The following NFAT5 variants were observed in gnomAD, a reference collection of about 807,000 sequenced individuals.
NFAT5 encodes the protein nuclear factor of activated T cells 5, also known as nuclear factor of activated T-cells 5.
NFAT5 carries 31 observed loss-of-function variants against 166.5 expected under a neutral mutation model. That is an observed-to-expected ratio of 0.19 (90% CI 0.14 to 0.25). The LOEUF (loss-of-function observed/expected upper bound fraction) is 0.25, where lower values mean the gene tolerates loss of function less well. Among genes scored for constraint, NFAT5 ranks in the 10% least tolerant of loss-of-function variants. The pLI is 1.00. For synonymous variants in NFAT5, 612 were observed against 639.7 expected, an observed-to-expected ratio of 0.96 and a Z score of 0.65; for missense variants, 1,449 against 1,821.8, an observed-to-expected ratio of 0.80 and a Z score of 3.72.
At chr16:69,694,260 A>G (rs1445097882) in intron 13 of NFAT5, 21 bp downstream of exon 13, 8 of 1,555,664 alleles carry the variant, frequency 5.1e-6, no homozygotes, top group Non-Finnish European at 7.0e-6. Flanking sequence ...CTAATTTTTC[A>G]TTACTTAATT....
intron 2 of NFAT5, among the ~76,000 whole-genome samples, chr16:69,607,991 A>T (rs1014655324): frequency 2.6e-5 from 4 of 152,178 alleles, no homozygotes; most frequent in African/African-American, 9.7e-5. Flanking sequence ...CAAAAGGGCC[A>T]TGGTGCTTAA....
chr16:69,614,654 A>T (rs2033856333), intron 2 of NFAT5, among the ~76,000 whole-genome samples: 6 of 152,152 alleles, frequency 3.9e-5, no homozygotes, highest in Admixed American at 3.9e-4. Context: ...ATATTCCCTT[A>T]TGTAACCACA....
At chr16:69,682,722 C>G (rs1478237320) in intron 10 of NFAT5, among the ~76,000 whole-genome samples, 2 of 151,920 alleles carry the variant, frequency 1.3e-5, no homozygotes, top group African/African-American at 2.4e-5. Context: ...TCTTTTATTA[C>G]TAGAATTAAT....
In NFAT5 at chr16:69,655,743, T is replaced by C; in HGVS notation, c.1140T>C (p.Ile380=). ...CAACTCCTTGCAAAGAAGTGGACAT[T>C]GAAGGCACTACTGTTATAGAAGTCG... is the stretch of plus-strand genomic sequence containing the variant. ...RNTTPCKEVD[I]EGTTVIEVGL... Residue 380 remains isoleucine, a synonymous_variant, in exon 6 of 15, where the codon ATT becomes ATC. Transcript: ENST00000349945. 14 of 1,613,906 alleles carry C rather than the reference T, an allele frequency of 8.7e-6. No individual in the cohort carries two copies. The highest frequency in any genetic ancestry group is 1.1e-5 in the Non-Finnish European group (13 of 1,179,890).
At chr16:69,695,904 C>A (rs1287169755) in intron 14 of NFAT5, among the ~76,000 whole-genome samples, 2 of 152,182 alleles carry the variant, frequency 1.3e-5, no homozygotes, top group East Asian at 3.9e-4. Flanking sequence ...CAGCTCCCTT[C>A]AGCTGTGATA....
At position 69,695,218 on chromosome 16, in the gene NFAT5, C is replaced by T. The variant is rs753187482; in HGVS notation, c.4497C>T (p.Asn1499=). ...MAISQPGQPQ[N]EGQPPVTTLL... ...TAAGTCAGCCAGGCCAACCACAAAA[C>T]GAGGGCCAGCCACCTGTGACAACAC... Residue 1499 remains asparagine (N), a synonymous_variant, in exon 14 of 15, where the codon AAC becomes AAT. Coordinates refer to ENST00000349945, the MANE Select transcript of NFAT5 (RefSeq NM_138713.4). 14 of 1,614,038 alleles carry T rather than the reference C, an allele frequency of 8.7e-6. No individual in the cohort carries two copies. Among genetic ancestry groups the T allele is most frequent in the Non-Finnish European group, 1.1e-5 (13 of 1,180,034 alleles).
At position 69,568,517 on chromosome 16, in the gene NFAT5, A is replaced by T; in HGVS notation, c.96A>T (p.Ser32=). 2 of 1,613,384 alleles carry T rather than the reference A, an allele frequency of 1.2e-6. No individual in the cohort carries two copies. Among genetic ancestry groups the T allele is most frequent in the Non-Finnish European group, 1.7e-6 (2 of 1,179,682 alleles). ...YSRDSLKLHP[S]QNFHRAGLLE... ...CAGATTCTCTGAAGTTACACCCATC[A>T]CAGAATTTTCATAGAGCTGGACTAT... The change falls in exon 2 of 15, where the codon TCA becomes TCT. Residue 32 remains serine, a synonymous_variant. Coordinates refer to ENST00000349945, the MANE Select transcript of NFAT5 (RefSeq NM_138713.4).
Position 69,647,779 on chromosome 16 carries a change from G to A in NFAT5, c.812+193G>A, listed in dbSNP as rs989845291. 6.6e-6 allele frequency among the ~76,000 whole-genome samples: 1 copy of A among 151,714 alleles called. No individual in the cohort carries two copies. ...CTAGATAGAAAATAAAATAATCATA[G>A]ATTCTAGCAATAGATATCTTATTAT... is the stretch of plus-strand genomic sequence containing the variant. On this transcript the variant is annotated intron_variant, in intron 4 of 14. Coordinates refer to ENST00000349945, the MANE Select transcript of NFAT5 (RefSeq NM_138713.4). This position sits in a 1 kb window ranked among gnomAD's most constrained non-coding sequence, Gnocchi z 4.8.
Position 69,693,599 on chromosome 16 carries a change from C to T in NFAT5, c.3774C>T (p.Ala1258=). The T allele has an allele frequency of 5.0e-6, 8 of 1,614,144 alleles. No homozygotes were observed. Among genetic ancestry groups the T allele is most frequent in the Non-Finnish European group, 6.8e-6 (8 of 1,180,038 alleles). ...TMFQSQHSIV[A]MQSNSPSQEQ... is the part of the protein sequence containing the mutation. The stretch of plus-strand genomic sequence containing the variant: ...TCCAGTCACAGCACTCAATAGTTGC[C>T]ATGCAGAGTAACTCTCCATCCCAGG... The change falls in exon 13 of 15, where the codon GCC becomes GCT. Residue 1258 remains alanine, a synonymous_variant. Coordinates refer to ENST00000349945, the MANE Select transcript of NFAT5 (RefSeq NM_138713.4).
chr16:69,601,423 A>C lies in NFAT5; in HGVS notation c.128-24980A>C, dbSNP rs923571598. Among the ~76,000 whole-genome samples, 3 of 152,176 alleles carry C rather than the reference A, an allele frequency of 2.0e-5. No individual in the cohort carries two copies. In the East Asian group the frequency reaches 5.8e-4, roughly 29 times the overall value. On this transcript the variant is annotated intron_variant, in intron 2 of 14. Transcript: ENST00000349945. Reference sequence around the variant, plus strand: ...CTCTCTGTTGCCCAGGCTGGAGTGCAGTGGCGCAATCACGGCTCACTGTAG... The same window carrying C: ...CTCTCTGTTGCCCAGGCTGGAGTGCCGTGGCGCAATCACGGCTCACTGTAG...
At chr16:69,626,551 T>C in intron 3 of NFAT5, 23 bp downstream of exon 3, 1 of 1,506,342 alleles carries the variant, frequency 6.6e-7, no homozygotes, top group Non-Finnish European at 8.8e-7. Flanking sequence ...TTTTACTTTA[T>C]TAAAGAAAAC....
Position 69,566,238 on chromosome 16 carries a change from G to C in NFAT5, c.-64G>C. On this transcript the variant is annotated 5_prime_UTR_variant, in exon 1 of 15. Coordinates refer to ENST00000349945, the MANE Select transcript of NFAT5 (RefSeq NM_138713.4). This position sits in a 1 kb window ranked among gnomAD's most constrained non-coding sequence, Gnocchi z 5.7. Reference sequence around the variant, plus strand: ...TCGGTGCCCGCGGTCCCGGAGAGGAGGTGCCGCCGCCACCGCCGCTCCCCC... The same window carrying C: ...TCGGTGCCCGCGGTCCCGGAGAGGACGTGCCGCCGCCACCGCCGCTCCCCC... 1.3e-6 allele frequency: 2 copies of C among 1,492,856 alleles called. No individual in the cohort carries two copies. The highest frequency in any genetic ancestry group is 2.8e-5 in the African/African-American group (2 of 71,370). 92.5% of individuals were successfully genotyped at this position (1,492,856 alleles called of 1,614,324 possible).
intron 2 of NFAT5, among the ~76,000 whole-genome samples, chr16:69,624,492 A>G (rs1370630323): frequency 6.6e-6 from 1 of 152,192 alleles, no homozygotes; most frequent in Non-Finnish European, 1.5e-5. Context: ...GGTGTGAGCC[A>G]CCGCGCCTGG....
At chr16:69,572,875 ACT>A (rs1234354324) in intron 2 of NFAT5, among the ~76,000 whole-genome samples, 1 of 151,940 alleles carries the variant, frequency 6.6e-6, no homozygotes, top group East Asian at 1.9e-4. Context: ...ACAGAGTCTC[ACT>A]CTGTTGCCAG....
intron 2 of NFAT5, among the ~76,000 whole-genome samples, chr16:69,588,494 AG>A (rs1335787504): frequency 2.0e-5 from 3 of 146,994 alleles, no homozygotes; most frequent in African/African-American, 7.8e-5. Flanking sequence ...ATAGCTACTG[AG>A]TAATTGTGTT....
intron 7 of NFAT5, among the ~76,000 whole-genome samples, chr16:69,665,478 A>T (rs1175873309): frequency 1.2e-5 from 1 of 81,074 alleles, no homozygotes; most frequent in East Asian, 3.3e-4. Flanking sequence ...AAGTCTCAGG[A>T]TACAAAATCA....
chr16:69,675,830 A>C (rs958937429), intron 9 of NFAT5, among the ~76,000 whole-genome samples: 1 of 152,028 alleles, frequency 6.6e-6, no homozygotes, highest in African/African-American at 2.4e-5. Context: ...TAGTAGAAAC[A>C]GGGTTTCACC....
Position 69,639,335 on chromosome 16 carries a change from G to A in NFAT5, c.254-7693G>A, listed in dbSNP as rs181989785. Among the ~76,000 whole-genome samples the A allele has an allele frequency of 4.5e-3, 689 of 152,220 alleles. 1 individual carries two copies. Among genetic ancestry groups the A allele is most frequent in the South Asian group, 0.012 (58 of 4,824 alleles). On this transcript the variant is annotated intron_variant, in intron 3 of 14. Coordinates refer to ENST00000349945, the MANE Select transcript of NFAT5 (RefSeq NM_138713.4). ...AACATTGCTCTAAGTTTCAGGATAA[G>A]CATTTTATTTTTCAGGGAGCACTCT...
chr16:69,632,006 G>A (rs1264494305), intron 3 of NFAT5: 1 of 152,094 alleles, frequency 6.6e-6, no homozygotes, highest in East Asian at 1.9e-4. Context: ...TAAATCTCAA[G>A]TATGTAACAA....
Sources: allele counts gnomAD v4.1 joint callset (sites outside exome capture counted in the v4.1 genomes callset), GRCh38; gene constraint gnomAD v4.1.1; non-coding constraint Gnocchi (gnomAD v3.1); transcripts MANE v1.5; gene names NCBI Gene and HGNC (gene_info 2026-07-23, HGNC 2026-07-21).